Variants in RTTN observed in about 807,000 individuals in gnomAD.
The protein encoded by RTTN is rotatin.
Under a neutral mutation model 269.2 loss-of-function variants are expected in RTTN, and 182 were observed. The observed-to-expected ratio is 0.68, with a 90% CI of 0.60 to 0.76. The LOEUF is 0.76. Among genes scored for constraint, RTTN ranks in the 30% least tolerant of loss-of-function variants. The pLI is 0.00. For synonymous variants in RTTN, 1,006 were observed against 963.5 expected, an observed-to-expected ratio of 1.04 and a Z score of -0.82; for missense variants, 2,545 against 2,608.6, an observed-to-expected ratio of 0.98 and a Z score of 0.53.
intron 26 of RTTN, among the ~76,000 whole-genome samples, chr18:70,118,004 A>T (rs1230111062): frequency 6.6e-6 from 1 of 152,048 alleles, no homozygotes. Context: ...AAGGACATAC[A>T]TAACAATAAA....
At chr18:70,099,291 G>A (rs1296655853) in intron 28 of RTTN, among the ~76,000 whole-genome samples, 3 of 152,200 alleles carry the variant, frequency 2.0e-5, no homozygotes, top group Admixed American at 2.0e-4. Flanking sequence ...CATTCTGACT[G>A]GTGTGAGATG....
chr18:70,036,648 C>G (rs181069592), intron 40 of RTTN, among the ~76,000 whole-genome samples: 1 of 152,070 alleles, frequency 6.6e-6, no homozygotes, highest in African/African-American at 2.4e-5. Context: ...CCCCATGATA[C>G]AAGTTTACCT....
intron 21 of RTTN, among the ~76,000 whole-genome samples, chr18:70,135,745 T>C (rs2060109664): frequency 6.6e-6 from 1 of 152,208 alleles, no homozygotes; most frequent in Admixed American, 6.6e-5. Flanking sequence ...GATTTGACTT[T>C]AAAATGTTAT....
At chr18:70,114,690 A>G in intron 26 of RTTN, 91 bp from the exon 27 acceptor site, 2 of 1,115,778 alleles carry the variant, frequency 1.8e-6, no homozygotes, top group Non-Finnish European at 2.5e-6. Context: ...AGTTCTAGTA[A>G]GAGCTATATT....
At chr18:70,180,153 C>T (rs1409417732) in intron 10 of RTTN, among the ~76,000 whole-genome samples, 1 of 152,104 alleles carries the variant, frequency 6.6e-6, no homozygotes, top group Non-Finnish European at 1.5e-5. Flanking sequence ...ATTTGCTTGG[C>T]CAAATCCTAC....
chr18:70,180,511 G>C (rs2061399102), intron 10 of RTTN, among the ~76,000 whole-genome samples: 1 of 151,854 alleles, frequency 6.6e-6, no homozygotes, highest in South Asian at 2.1e-4. Flanking sequence ...CAATCCAGGA[G>C]GCGGAGGTTG....
chr18:70,088,990 T>C (rs1313072309), intron 30 of RTTN, among the ~76,000 whole-genome samples: 3 of 152,382 alleles, frequency 2.0e-5, no homozygotes, highest in Admixed American at 6.5e-5. Flanking sequence ...TGCATGTCTA[T>C]AATTTCCAGA....
intron 43 of RTTN, among the ~76,000 whole-genome samples, 162 bp downstream of exon 43, chr18:70,028,562 A>C (rs2056918859): frequency 6.6e-6 from 1 of 152,230 alleles, no homozygotes; most frequent in African/African-American, 2.4e-5. Context: ...TTAGATACAC[A>C]CATTTCTGAC....
intron 40 of RTTN, among the ~76,000 whole-genome samples, chr18:70,034,142 T>C (rs2057101331): frequency 6.6e-6 from 1 of 152,162 alleles, no homozygotes; most frequent in African/African-American, 2.4e-5. Flanking sequence ...GAAGAGCTGA[T>C]ACCATTCTTA....
chr18:70,017,519 G>A lies in RTTN; in HGVS notation c.6309C>T (p.Asp2103=). The change falls in exon 46 of 49, where the codon GAC becomes GAT. Residue 2103 remains aspartate (D), a synonymous_variant. Transcript: ENST00000640769. ...TGTATTTGCTCATCTCTGTTAGTAAGTCTAGACAGCCATCAAGCCTCAGAA... is the reference window on the plus strand; with the variant it reads ...TGTATTTGCTCATCTCTGTTAGTAAATCTAGACAGCCATCAAGCCTCAGAA... ...QMILRLDGCL[D]LLTEMSKYKH... 1 of 1,614,062 alleles carries A rather than the reference G, an allele frequency of 6.2e-7. No homozygotes were observed. The highest frequency in any genetic ancestry group is 1.6e-4 in the Middle Eastern group (1 of 6,062).
At chr18:70,108,865 C>CAA (rs59517628) in intron 28 of RTTN, among the ~76,000 whole-genome samples, 48 of 150,110 alleles carry the variant, frequency 3.2e-4, no homozygotes, top group East Asian at 2.9e-3. Flanking sequence ...TCTTAATTGA[C>CAA]AAAAAAAAAC....
intron 37 of RTTN, among the ~76,000 whole-genome samples, chr18:70,056,124 T>C (rs1163941495): frequency 6.6e-6 from 1 of 152,258 alleles, no homozygotes; most frequent in African/African-American, 2.4e-5. Context: ...GCACAGACTC[T>C]ACGTGAGGAG....
At chr18:70,010,553 CAAT>C (rs1317272477) in intron 46 of RTTN, among the ~76,000 whole-genome samples, 1 of 152,124 alleles carries the variant, frequency 6.6e-6, no homozygotes, top group Non-Finnish European at 1.5e-5. Flanking sequence ...AGCAAAGACA[CAAT>C]ATACCAGAAT....
chr18:70,178,917 T>C (rs564891337), intron 10 of RTTN, among the ~76,000 whole-genome samples: 7 of 152,228 alleles, frequency 4.6e-5, no homozygotes, highest in African/African-American at 1.7e-4. Flanking sequence ...ATGTTATTGA[T>C]ATGGACTTAT....
intron 43 of RTTN, among the ~76,000 whole-genome samples, chr18:70,025,558 G>A (rs2145559053): frequency 6.6e-6 from 1 of 152,290 alleles, no homozygotes; most frequent in East Asian, 1.9e-4. Context: ...TCAAGTGGCA[G>A]AAGAGAAGTG....
At chr18:70,183,915 G>A (rs1428145245) in intron 10 of RTTN, among the ~76,000 whole-genome samples, 2 of 152,124 alleles carry the variant, frequency 1.3e-5, no homozygotes, top group Non-Finnish European at 2.9e-5. Flanking sequence ...CTATAGGTAT[G>A]CACCTACATG....
rs1018515229 is a variant in RTTN at position 70,092,815 on chromosome 18, A to C, written c.3904-11T>G. The C allele has an allele frequency of 1.0e-5, 16 of 1,595,882 alleles. No individual in the cohort carries two copies. The highest frequency in any genetic ancestry group is 1.3e-5 in the Non-Finnish European group (15 of 1,166,626). On this transcript the variant is annotated splice_polypyrimidine_tract_variant and intron_variant, in intron 28 of 48. Transcript: ENST00000640769. ...AAAAGAAGTAATGACCTGAAAAACAAATGTAAACAATTTCATGGTGGCTTT... is the reference window on the plus strand; with the variant it reads ...AAAAGAAGTAATGACCTGAAAAACACATGTAAACAATTTCATGGTGGCTTT...
chr18:70,177,983 C>G (rs1402082384), intron 10 of RTTN, among the ~76,000 whole-genome samples: 1 of 152,188 alleles, frequency 6.6e-6, no homozygotes, highest in African/African-American at 2.4e-5. Flanking sequence ...TGTATACACA[C>G]CCAGGTTAAC....
intron 34 of RTTN, among the ~76,000 whole-genome samples, chr18:70,073,305 A>T (rs1365114391): frequency 2.0e-5 from 3 of 152,132 alleles, no homozygotes; most frequent in Non-Finnish European, 4.4e-5. Context: ...GCATGAATGA[A>T]AGGGGAAGGA....
Sources: gnomAD v4.1 joint callset for allele counts (sites outside exome capture counted in the v4.1 genomes callset) on GRCh38, gnomAD v4.1.1 for gene constraint, MANE v1.5 for transcripts, NCBI Gene and HGNC (gene_info 2026-07-23, HGNC 2026-07-21) for gene names.